The following TENM3 variants were observed in gnomAD, a reference collection of about 807,000 sequenced individuals.
TENM3 encodes teneurin transmembrane protein 3.
TENM3 carries 63 observed loss-of-function variants against 255.1 expected under a neutral mutation model. That is an observed-to-expected ratio of 0.25 (90% confidence interval 0.20 to 0.30). The LOEUF is 0.30. Ranked by LOEUF, TENM3 falls within the 10% of genes least tolerant of loss-of-function variation. The probability of loss-of-function intolerance (pLI) is 1.00; values close to 1 mark genes in which losing one functional copy is unlikely to be tolerated. For missense variants in TENM3, 2,929 were observed against 3,461.1 expected (o/e 0.85, Z 3.86); for synonymous variants, 1,306 against 1,322.3 (o/e 0.99, Z 0.27).
At chr4:182,254,780 G>A (rs1227778989) in intron 1 of TENM3, among the ~76,000 whole-genome samples, 4 of 152,094 alleles carry the variant, frequency 2.6e-5, no homozygotes, top group East Asian at 1.9e-4. Flanking sequence ...TCAGATTTCC[G>A]GAGACATGTA....
the TENM3 span, among the ~76,000 whole-genome samples, chr4:181,685,574 G>A: frequency 1.6e-4 from 25 of 152,274 alleles, no homozygotes; most frequent in African/African-American, 6.0e-4. Context: ...AGATGGCTAG[G>A]AGTTTTCACA....
At chr4:181,868,658 G>A in the TENM3 span, among the ~76,000 whole-genome samples, 1 of 152,168 alleles carries the variant, frequency 6.6e-6, no homozygotes, top group South Asian at 2.1e-4. Context: ...TAAAGCAAAA[G>A]ATTGTCTTTT....
chr4:182,386,912 C>A (rs993005700), intron 3 of TENM3, among the ~76,000 whole-genome samples: 1 of 152,242 alleles, frequency 6.6e-6, no homozygotes. Flanking sequence ...GTCCCATCGA[C>A]CGCCCAAGGG....
the TENM3 span, among the ~76,000 whole-genome samples, chr4:181,452,705 T>C: frequency 2.6e-5 from 4 of 152,170 alleles, no homozygotes; most frequent in African/African-American, 9.7e-5. Context: ...AATGATAGTT[T>C]AAAATTCCTG....
At chr4:182,753,707 G>A in intron 21 of TENM3, 103 bp downstream of exon 21, 1 of 1,077,748 alleles carries the variant, frequency 9.3e-7, no homozygotes, top group Non-Finnish European at 1.3e-6. Context: ...TATATCATGT[G>A]TTGCAGTGGT....
the TENM3 span, among the ~76,000 whole-genome samples, chr4:181,821,191 C>T: frequency 6.6e-6 from 1 of 152,164 alleles, no homozygotes; most frequent in African/African-American, 2.4e-5. Flanking sequence ...ACATTCTGTG[C>T]TTTCTTGCTT....
intron 3 of TENM3, among the ~76,000 whole-genome samples, chr4:182,365,965 C>A (rs930715880): frequency 6.6e-6 from 1 of 152,174 alleles, no homozygotes; most frequent in South Asian, 2.1e-4. Flanking sequence ...AGAAAAGATA[C>A]AATAAAAGCA....
chr4:181,809,156 G>T, the TENM3 span, among the ~76,000 whole-genome samples: 20 of 152,096 alleles, frequency 1.3e-4, no homozygotes, highest in African/African-American at 4.8e-4. Context: ...CACAAAGAAA[G>T]AAGTTAAAGA....
At chr4:181,751,624 C>CTCT in the TENM3 span, among the ~76,000 whole-genome samples, 68,936 of 151,498 alleles carry the variant, frequency 0.46, 16,641 homozygotes, top group East Asian at 0.61. Flanking sequence ...GTACAACAGC[C>CTCT]TAAGGGAAGC....
the TENM3 span, among the ~76,000 whole-genome samples, chr4:181,993,025 T>G: frequency 6.6e-6 from 1 of 152,122 alleles, no homozygotes; most frequent in Non-Finnish European, 1.5e-5. Context: ...CAATTAAAAT[T>G]ATACTTTTAT....
At chr4:182,185,007 C>T (rs1243915048) in intron 1 of TENM3, among the ~76,000 whole-genome samples, 15 of 151,944 alleles carry the variant, frequency 9.9e-5, no homozygotes, top group African/African-American at 3.4e-4. Context: ...TGCTTGAACC[C>T]GGGAGGTGGA....
chr4:181,803,869 G>GCGCTGCAGTGAGCTATTATTGTGCCAC, the TENM3 span, among the ~76,000 whole-genome samples: 1 of 149,886 alleles, frequency 6.7e-6, no homozygotes, highest in African/African-American at 2.5e-5. Context: ...CAGGAGGTCA[G>GCGCTGCAGTGAGCTATTATTGTGCCAC]CGCTGCAGTG....
the TENM3 span, among the ~76,000 whole-genome samples, chr4:182,004,128 G>A: frequency 1.2e-3 from 180 of 152,080 alleles, no homozygotes; most frequent in Non-Finnish European, 2.1e-3. Context: ...CAGGATATAT[G>A]TACAGAACGT....
the TENM3 span, among the ~76,000 whole-genome samples, chr4:181,847,057 T>A: frequency 6.6e-6 from 1 of 152,212 alleles, no homozygotes; most frequent in African/African-American, 2.4e-5. Flanking sequence ...GACCTTACTG[T>A]CCTGCAGTGA....
chr4:181,925,247 A>C, the TENM3 span, among the ~76,000 whole-genome samples: 1 of 152,224 alleles, frequency 6.6e-6, no homozygotes, highest in East Asian at 1.9e-4. Context: ...TATTCTTAGC[A>C]AAGTATCATA....
intron 24 of TENM3, among the ~76,000 whole-genome samples, chr4:182,776,429 G>C (rs991659510): frequency 1.3e-5 from 2 of 152,034 alleles, no homozygotes; most frequent in African/African-American, 4.8e-5. Context: ...GAAAAGAAAA[G>C]GCATGGTTAT....
intron 2 of TENM3, among the ~76,000 whole-genome samples, chr4:182,333,863 T>G (rs1763930230): frequency 6.6e-6 from 1 of 152,158 alleles, no homozygotes; most frequent in African/African-American, 2.4e-5. Flanking sequence ...AATTTGGTAT[T>G]TGGATGAATA....
At chr4:182,011,858 T>G in the TENM3 span, among the ~76,000 whole-genome samples, 3 of 152,138 alleles carry the variant, frequency 2.0e-5, no homozygotes, top group African/African-American at 7.2e-5. Flanking sequence ...CAAGGATAGG[T>G]CATATTTAAA....
chr4:182,165,744 CT>C (rs936210618), intron 1 of TENM3, among the ~76,000 whole-genome samples: 1 of 152,148 alleles, frequency 6.6e-6, no homozygotes, highest in African/African-American at 2.4e-5. Context: ...CCCTTTCACT[CT>C]TTTTTGGGGG....
Sources: allele counts gnomAD v4.1 joint callset (sites outside exome capture counted in the v4.1 genomes callset), GRCh38; gene constraint gnomAD v4.1.1; transcripts MANE v1.5; gene names NCBI Gene and HGNC (gene_info 2026-07-23, HGNC 2026-07-21).